Variants in COL21A1 observed in about 807,000 individuals in gnomAD.
COL21A1 encodes the protein collagen type XXI alpha 1 chain, also known as collagen alpha-1(XXI) chain.
Under a neutral mutation model 137.9 loss-of-function variants are expected in COL21A1, and 149 were observed. The observed-to-expected ratio is 1.08, with a 90% CI of 0.95 to 1.24. The LOEUF is 1.24. Among genes scored for constraint, COL21A1 ranks in the 50% most tolerant of loss-of-function variants. The pLI, the probability that COL21A1 is intolerant of heterozygous loss-of-function variation, is 0.00. For synonymous variants in COL21A1, 456 were observed against 391.5 expected, an observed-to-expected ratio of 1.16 and a Z score of -1.95; for missense variants, 1,167 against 1,158.4, an observed-to-expected ratio of 1.01 and a Z score of -0.11.
At chr6:56,232,048 G>A (rs1781600772) in intron 1 of COL21A1, among the ~76,000 whole-genome samples, 1 of 151,836 alleles carries the variant, frequency 6.6e-6, no homozygotes, top group Non-Finnish European at 1.5e-5. Context: ...ACAGTCAAAT[G>A]TTGACTATCT....
chr6:56,096,856 T>C (rs1021488312), intron 17 of COL21A1, among the ~76,000 whole-genome samples: 2 of 152,186 alleles, frequency 1.3e-5, no homozygotes, highest in South Asian at 4.1e-4. Context: ...TTATTACAAC[T>C]ACTTAAAACC....
chr6:56,064,694 A>T, intron 23 of COL21A1, 72 bp from the exon 24 acceptor site: 4 of 913,018 alleles, frequency 4.4e-6, no homozygotes, highest in Non-Finnish European at 6.5e-6. Context: ...AATACAAACT[A>T]TGTATTACCT....
At chr6:56,123,463 C>G (rs769341545) in intron 16 of COL21A1, among the ~76,000 whole-genome samples, 1 of 152,100 alleles carries the variant, frequency 6.6e-6, no homozygotes, top group Non-Finnish European at 1.5e-5. Context: ...AAGAACTGAC[C>G]GTTAGAAAAC....
chr6:56,185,189 T>C (rs1446431396), intron 1 of COL21A1, among the ~76,000 whole-genome samples: 2 of 150,970 alleles, frequency 1.3e-5, no homozygotes, highest in African/African-American at 4.9e-5. Flanking sequence ...AGAAAAAAAG[T>C]AGAAAAGTAG....
At chr6:56,287,380 T>C (rs1298081294) in intron 1 of COL21A1, among the ~76,000 whole-genome samples, 3 of 152,142 alleles carry the variant, frequency 2.0e-5, no homozygotes, top group African/African-American at 7.2e-5. Flanking sequence ...CCAAATCTCA[T>C]GTTGAATTGT....
At chr6:56,145,719 G>A (rs187242829) in intron 10 of COL21A1, among the ~76,000 whole-genome samples, 19 of 152,062 alleles carry the variant, frequency 1.2e-4, no homozygotes, top group African/African-American at 3.6e-4. Context: ...TCTTTGAGTG[G>A]TTAATACTGT....
intron 1 of COL21A1, among the ~76,000 whole-genome samples, chr6:56,283,077 CA>C (rs747997611): frequency 2.3e-4 from 35 of 151,938 alleles, no homozygotes; most frequent in Middle Eastern, 3.2e-3. Context: ...TAAATACATT[CA>C]AAAAAATTTT....
chr6:56,215,428 C>T (rs3846922), intron 1 of COL21A1, among the ~76,000 whole-genome samples: 96,099 of 151,918 alleles, frequency 0.63, 30,698 homozygotes, highest in East Asian at 0.86. Flanking sequence ...GGCAGTGCAA[C>T]TATGGATCAA....
chr6:56,378,682 G>C (rs1581791029), intron 1 of COL21A1, among the ~76,000 whole-genome samples: 1 of 152,214 alleles, frequency 6.6e-6, no homozygotes, highest in East Asian at 1.9e-4. Context: ...CATGGGCCTG[G>C]CTGGCGTTGC....
intron 1 of COL21A1, among the ~76,000 whole-genome samples, chr6:56,199,995 C>A (rs776290843): frequency 1.4e-4 from 22 of 152,072 alleles, no homozygotes; most frequent in Non-Finnish European, 2.9e-4. Context: ...AGAGGAAGGG[C>A]TCTGTTAGAT....
intron 1 of COL21A1, among the ~76,000 whole-genome samples, chr6:56,268,227 G>A (rs1763441024): frequency 6.6e-6 from 1 of 152,194 alleles, no homozygotes; most frequent in Non-Finnish European, 1.5e-5. Context: ...TCCATTCATA[G>A]GTCCAGTCCA....
chr6:56,170,898 A>G (rs1399479939), intron 4 of COL21A1, 33 bp from the exon 5 acceptor site: 7 of 1,599,452 alleles, frequency 4.4e-6, no homozygotes, highest in Non-Finnish European at 6.0e-6. Context: ...AAGCTTAAAG[A>G]ATTCTTGACA....
intron 1 of COL21A1, among the ~76,000 whole-genome samples, chr6:56,245,408 T>G (rs926566056): frequency 6.6e-6 from 1 of 152,184 alleles, no homozygotes; most frequent in African/African-American, 2.4e-5. Context: ...ATTATAAGGA[T>G]AATTTGAGGA....
chr6:56,322,595 A>G (rs916958933), intron 1 of COL21A1, among the ~76,000 whole-genome samples: 2 of 152,164 alleles, frequency 1.3e-5, no homozygotes, highest in Non-Finnish European at 2.9e-5. Context: ...AAAATCTCAG[A>G]GAATTCATAG....
intron 9 of COL21A1, among the ~76,000 whole-genome samples, chr6:56,158,209 T>C (rs1409206424): frequency 6.6e-6 from 1 of 151,034 alleles, no homozygotes; most frequent in Non-Finnish European, 1.5e-5. Flanking sequence ...TGTTCCTATA[T>C]AGATGCACAT....
chr6:56,369,431 A>G (rs370967344), intron 1 of COL21A1, among the ~76,000 whole-genome samples: 57 of 151,176 alleles, frequency 3.8e-4, no homozygotes, highest in African/African-American at 1.4e-3. Context: ...GTGTCCATGA[A>G]AGAATCAAAA....
intron 10 of COL21A1, among the ~76,000 whole-genome samples, chr6:56,147,694 C>T (rs1774943044): frequency 6.6e-6 from 1 of 151,904 alleles, no homozygotes. Context: ...ATATATACTA[C>T]CTATAATATA....
chr6:56,159,569 G>C (rs1166230487), intron 9 of COL21A1, among the ~76,000 whole-genome samples: 8 of 150,804 alleles, frequency 5.3e-5, no homozygotes, highest in Non-Finnish European at 1.0e-4. Flanking sequence ...CTGACCTCAT[G>C]ATCCATCCAC....
At chr6:56,077,925 T>C (rs1767388748) in intron 17 of COL21A1, 3 of 368,836 alleles carry the variant, frequency 8.1e-6, no homozygotes, top group South Asian at 6.5e-5. Flanking sequence ...ATCTGTTAAA[T>C]GATATAAGTT....
Sources: gnomAD v4.1 joint callset for allele counts (sites outside exome capture counted in the v4.1 genomes callset) on GRCh38, gnomAD v4.1.1 for gene constraint, MANE v1.5 for transcripts, NCBI Gene and HGNC (gene_info 2026-07-23, HGNC 2026-07-21) for gene names.